Variants in LLGL1 observed in about 807,000 individuals in gnomAD.
LLGL1 encodes LLGL scribble cell polarity complex component 1.
Under a neutral mutation model 110.6 loss-of-function variants are expected in LLGL1, and 58 were observed. That is an observed-to-expected ratio of 0.52 (90% CI 0.42 to 0.65). LLGL1 has a LOEUF of 0.65. LLGL1 is among the 30% of genes least tolerant of loss of function. The pLI is 0.00. For missense variants in LLGL1, 1,229 were observed against 1,462.1 expected (o/e 0.84, Z 2.60); for synonymous variants, 674 against 607.2 (o/e 1.11, Z -1.62).
rs2047618474 is a variant in LLGL1 at position 18,233,627 on chromosome 17, A to G, written c.393-151A>G. ...TGAATAATTGAGCGGGCTGATGATGATGCATGTCTTCCTGGGGTGGCTCTG... is the reference window on the plus strand; with the variant it reads ...TGAATAATTGAGCGGGCTGATGATGGTGCATGTCTTCCTGGGGTGGCTCTG... On this transcript the variant is annotated intron_variant, in intron 4 of 22. Transcript: ENST00000316843. 48 of 734,228 alleles carry G rather than the reference A, an allele frequency of 6.5e-5. No homozygotes were observed. The South Asian group carries it at 8.5e-4, about 13-fold the overall frequency. The allele number at this position is 734,228 out of a possible 1,614,324, so 45.5% of individuals were successfully genotyped here.
At chr17:18,241,309 G>A in intron 17 of LLGL1, 142 bp from the exon 18 acceptor site, 1 of 1,040,820 alleles carries the variant, frequency 9.6e-7, no homozygotes, top group Non-Finnish European at 1.4e-6. Context: ...TAGTGGGGCA[G>A]CCAGGTGTAC....
intron 18 of LLGL1, 65 bp from the exon 19 acceptor site, chr17:18,241,820 G>C: frequency 6.2e-7 from 1 of 1,604,594 alleles, no homozygotes; most frequent in African/African-American, 1.3e-5. Flanking sequence ...CACAGGCCCA[G>C]GCCACGGAGG....
At chr17:18,225,803 G>C (rs1315359725) in intron 1 of LLGL1, 40 bp downstream of exon 1, 1 of 915,834 alleles carries the variant, frequency 1.1e-6, no homozygotes, top group Non-Finnish European at 1.3e-6. Flanking sequence ...GCGGGAGGGG[G>C]CGGGACGGGG....
chr17:18,234,531 G>C lies in LLGL1; in HGVS notation c.851-118G>C, dbSNP rs528065715. The stretch of plus-strand genomic sequence containing the variant: ...GTCTGGGGGCAGTGTGTCTCCCGCC[G>C]ACTTCCCGGGGAGGCAGGAGGCAGC... On this transcript the variant is annotated intron_variant, in intron 7 of 22. Transcript: ENST00000316843. The C allele has an allele frequency of 1.9e-6, 3 of 1,574,572 alleles. No homozygotes were observed. The African/African-American group carries it at 4.0e-5, about 21-fold the overall frequency.
At position 18,238,099 on chromosome 17, in the gene LLGL1, T is replaced by G. The variant is rs1454153481; in HGVS notation, c.1937T>G (p.Met646Arg). 6.2e-7 allele frequency: 1 copy of G among 1,613,730 alleles called. No individual in the cohort carries two copies. Among genetic ancestry groups the G allele is most frequent in the African/African-American group, 1.3e-5 (1 of 74,922 alleles). The change falls in exon 15 of 23, where the codon ATG becomes AGG. Residue 646 changes from methionine to arginine, a missense_variant. Met to Arg is a moderately conservative substitution (Grantham distance 91). Coordinates refer to ENST00000316843, the MANE Select transcript of LLGL1 (RefSeq NM_004140.4). ...CTLHPNDSLA[M>R]EGPLSRVKSL... ...CTTCACCCCAATGACTCCCTGGCCA[T>G]GGAGGGTCCGCTCTCCCGGGTGAAG...
chr17:18,238,746 C>A, intron 16 of LLGL1, 137 bp downstream of exon 16: 1 of 856,332 alleles, frequency 1.2e-6, no homozygotes, highest in Non-Finnish European at 1.8e-6. Flanking sequence ...GTGGCTCAAG[C>A]CTGTGAGTGA....
chr17:18,241,231 G>C, intron 17 of LLGL1: 2 of 628,340 alleles, frequency 3.2e-6, no homozygotes, highest in Non-Finnish European at 2.7e-6. Context: ...ATAACTCTGT[G>C]ATTGATTTTG....
chr17:18,235,255 G>C lies in LLGL1; in HGVS notation c.1227G>C (p.Trp409Cys). Reference protein sequence around the residue: ...AHVASVPAKLWARIVSAGEQQ... With the variant: ...AHVASVPAKLCARIVSAGEQQ... Reference sequence around the variant, plus strand: ...TGGCCAGTGTCCCCGCCAAGCTGTGGGCCCGCATTGTGAGCGCTGGCGAGC... The same window carrying C: ...TGGCCAGTGTCCCCGCCAAGCTGTGCGCCCGCATTGTGAGCGCTGGCGAGC... The change falls in exon 10 of 23, where the codon TGG becomes TGC. Residue 409 changes from tryptophan (W) to cysteine (C), a missense_variant. By Grantham distance (215) the Trp-to-Cys change is radical. Coordinates refer to ENST00000316843, the MANE Select transcript of LLGL1 (RefSeq NM_004140.4). The C allele has an allele frequency of 6.2e-7, 1 of 1,610,722 alleles. No homozygotes were observed. Among genetic ancestry groups the C allele is most frequent in the Non-Finnish European group, 8.5e-7 (1 of 1,180,016 alleles).
chr17:18,228,856 G>T (rs1208236865), intron 1 of LLGL1, among the ~76,000 whole-genome samples: 2 of 152,072 alleles, frequency 1.3e-5, no homozygotes, highest in Admixed American at 6.5e-5. Flanking sequence ...GAGTCTTGGA[G>T]AGTACTGTGA....
intron 2 of LLGL1, among the ~76,000 whole-genome samples, chr17:18,231,172 G>T (rs920491325): frequency 4.6e-5 from 7 of 152,146 alleles, no homozygotes; most frequent in African/African-American, 1.2e-4. Flanking sequence ...GGAGCCCGGG[G>T]TCCTCTTCCC....
chr17:18,235,285 G>C lies in LLGL1; in HGVS notation c.1257G>C (p.Gln419His), dbSNP rs1393210408. The part of the protein sequence containing the change: ...WARIVSAGEQ[Q>H]SPQPVSSALS... ...GCATTGTGAGCGCTGGCGAGCAGCA[G>C]AGCCCCCAGCCTGTCTCCAGTGCCT... is the stretch of plus-strand genomic sequence containing the variant. Residue 419 changes from glutamine to histidine, a missense_variant, in exon 10 of 23, where the codon CAG (glutamine) becomes CAC (histidine). Transcript: ENST00000316843. 2 of 1,610,386 alleles carry C rather than the reference G, an allele frequency of 1.2e-6. No homozygotes were observed. Among genetic ancestry groups the C allele is most frequent in the Admixed American group, 1.7e-5 (1 of 59,992 alleles).
intron 8 of LLGL1, 55 bp downstream of exon 8, chr17:18,234,758 AG>A: frequency 1.2e-6 from 2 of 1,613,732 alleles, no homozygotes; most frequent in Admixed American, 3.3e-5. Flanking sequence ...GGGGGCTGGA[AG>A]GGTGGGCTCT....
At chr17:18,230,331 C>T (rs770690587) in intron 2 of LLGL1, among the ~76,000 whole-genome samples, 2 of 152,192 alleles carry the variant, frequency 1.3e-5, no homozygotes, top group Non-Finnish European at 2.9e-5. Context: ...ACCCTGCCAT[C>T]GTCCCAGCAA....
At chr17:18,227,908 C>A (rs998452415) in intron 1 of LLGL1, among the ~76,000 whole-genome samples, 20 of 152,064 alleles carry the variant, frequency 1.3e-4, no homozygotes, top group Admixed American at 1.3e-3. Context: ...GGGAATAGGC[C>A]CCTGATTCCT....
chr17:18,242,179 G>T lies in LLGL1; in HGVS notation c.2896G>T (p.Glu966Ter), dbSNP rs1007327686. 6.2e-7 allele frequency: 1 copy of T among 1,613,806 alleles called. No homozygotes were observed. Among genetic ancestry groups the T allele is most frequent in the East Asian group, 2.2e-5 (1 of 44,862 alleles). Residue 966 changes from glutamate to a stop codon, truncating the protein, a stop_gained, in exon 20 of 23, where the codon GAG (glutamate) becomes TAG (stop). Coordinates refer to ENST00000316843, the MANE Select transcript of LLGL1 (RefSeq NM_004140.4). LOFTEE classifies it high-confidence loss of function. The stretch of plus-strand genomic sequence containing the variant: ...CCATCTCTGCAGTTACAGGATCCGA[G>T]AGTCACCCAAGCTGAGCCAGGCTAA... ...DATQASYRIRESPKLSQANGT... is the reference protein window; with the variant it reads ...DATQASYRIR
chr17:18,244,820 A>G lies in LLGL1; in HGVS notation c.*914A>G. Reference sequence around the variant, plus strand: ...TTTTGTTAAAATTAGCGCCATTTTAATATTAAAAATACTGATTTTTAATAT... The same window carrying G: ...TTTTGTTAAAATTAGCGCCATTTTAGTATTAAAAATACTGATTTTTAATAT... On this transcript the variant is annotated 3_prime_UTR_variant, in exon 23 of 23. Coordinates refer to ENST00000316843, the MANE Select transcript of LLGL1 (RefSeq NM_004140.4). 2.7e-6 allele frequency: 1 copy of G among 372,084 alleles called. No individual in the cohort carries two copies. Among genetic ancestry groups the G allele is most frequent in the Non-Finnish European group, 4.8e-6 (1 of 210,364 alleles). The allele number at this position is 372,084 out of a possible 1,614,324, so 23.0% of individuals were successfully genotyped here. A position where few individuals can be genotyped will look rare whatever the true frequency, so the allele number is the denominator to read the frequency against.
chr17:18,229,947 G>T lies in LLGL1; in HGVS notation c.88G>T (p.Glu30Ter). The T allele has an allele frequency of 1.2e-6, 2 of 1,608,688 alleles. No individual in the cohort carries two copies. Residue 30 changes from glutamate (E) to a stop codon, truncating the protein, a stop_gained, in exon 2 of 23, where the codon GAG becomes TAG. Transcript: ENST00000316843. LOFTEE classifies it high-confidence loss of function. Reference protein sequence around the residue: ...QELFAFNKTVEHGFPNQPSAL... With the variant: ...QELFAFNKTV The stretch of plus-strand genomic sequence containing the variant: ...AGCCCTCCCCTCCTTGCAGACTGTG[G>T]AGCATGGCTTCCCCAATCAGCCCAG...
At chr17:18,243,091 A>ATTTGTTTTGTTTTGT (rs144502873) in intron 22 of LLGL1, among the ~76,000 whole-genome samples, 6 of 151,200 alleles carry the variant, frequency 4.0e-5, no homozygotes, top group African/African-American at 1.2e-4. Flanking sequence ...ACAAGACCAG[A>ATTTGTTTTGTTTTGT]TTTGTTTTGT....
Position 18,235,645 on chromosome 17 carries a change from G to A in LLGL1, c.1352+108G>A, listed in dbSNP as rs1192798581. 3.8e-6 allele frequency: 4 copies of A among 1,050,582 alleles called. No individual in the cohort carries two copies. In the African/African-American group the frequency reaches 4.8e-5, roughly 13 times the overall value. 65.1% of individuals were successfully genotyped at this position (1,050,582 alleles called of 1,614,324 possible). ...CCAGGAGACTCAGGCCTGGCCCCTG[G>A]TGGGACCAGGTAGTTCCTCCTTGCC... is the stretch of plus-strand genomic sequence containing the variant. On this transcript the variant is annotated intron_variant, in intron 11 of 22. Coordinates refer to ENST00000316843, the MANE Select transcript of LLGL1 (RefSeq NM_004140.4).
Sources: gnomAD v4.1 joint callset for allele counts (sites outside exome capture counted in the v4.1 genomes callset) on GRCh38, gnomAD v4.1.1 for gene constraint, MANE v1.5 for transcripts, NCBI Gene and HGNC (gene_info 2026-07-23, HGNC 2026-07-21) for gene names.